PCDH10: variants seen among roughly 807,000 people sequenced by gnomAD.
The protein encoded by PCDH10 is protocadherin 10, also known as protocadherin-10.
PCDH10 carries 15 observed loss-of-function variants against 74.4 expected under a neutral mutation model. The ratio of observed to expected loss-of-function variants is 0.20; its 90% CI spans 0.13 to 0.31. PCDH10 has a LOEUF of 0.31. Ranked by LOEUF, PCDH10 falls within the 10% of genes least tolerant of loss-of-function variation. The pLI, the probability that PCDH10 is intolerant of heterozygous loss-of-function variation, is 1.00. For missense variants in PCDH10, 1,260 were observed against 1,390.2 expected, an observed-to-expected ratio of 0.91 and a Z score of 1.49; for synonymous variants, 619 against 589.8, an observed-to-expected ratio of 1.05 and a Z score of -0.72.
At chr4:133,183,583 T>C (rs971425503) in intron 4 of PCDH10, among the ~76,000 whole-genome samples, 1 of 152,160 alleles carries the variant, frequency 6.6e-6, no homozygotes, top group African/African-American at 2.4e-5. Flanking sequence ...TAAGCACTGA[T>C]CAATACTAAT....
At chr4:133,176,709 C>G (rs1228188627) in intron 4 of PCDH10, among the ~76,000 whole-genome samples, 1 of 152,040 alleles carries the variant, frequency 6.6e-6, no homozygotes, top group East Asian at 1.9e-4. Flanking sequence ...ATTATAGAAC[C>G]AAATACATAA....
rs576762055 is a variant in PCDH10, at chr4:133,152,076, G to A, written c.1936G>A (p.Ala646Thr). 74 of 1,601,024 alleles carry A rather than the reference G, an allele frequency of 4.6e-5. No homozygotes were observed. The East Asian group carries it at 1.7e-3, about 36-fold the overall frequency. ...GCTGCGCACAGCACGCCGAGTCCCG[G>A]CCAAGCGCGACCCCCAGCGGCCTTA... ...GELRTARRVP[A>T]KRDPQRPYEL... Residue 646 changes from alanine (A) to threonine (T), a missense_variant, in exon 1 of 5, where the codon GCC (alanine) becomes ACC (threonine). By Grantham distance (58) the Ala-to-Thr change is moderately conservative (BLOSUM62 0). Transcript: ENST00000264360.
chr4:133,201,260 G>A (rs1034823947), intron 2 of PCDH10, among the ~76,000 whole-genome samples: 2 of 152,078 alleles, frequency 1.3e-5, no homozygotes, highest in Admixed American at 1.3e-4. Flanking sequence ...AAGAAAAATA[G>A]GAAGGCATGT....
At chr4:133,184,744 A>T (rs1409193255) in intron 4 of PCDH10, among the ~76,000 whole-genome samples, 1 of 140,112 alleles carries the variant, frequency 7.1e-6, no homozygotes, top group Non-Finnish European at 1.5e-5. Context: ...TATTATATAT[A>T]ATCTTGTGTA....
chr4:133,185,039 T>C (rs1727514227), intron 4 of PCDH10, among the ~76,000 whole-genome samples: 1 of 148,476 alleles, frequency 6.7e-6, no homozygotes, highest in African/African-American at 2.4e-5. Context: ...AAACTAGTGA[T>C]AGTATATTAA....
In PCDH10 at chr4:133,200,088, G is replaced by A. The variant is rs576689172; in HGVS notation, n.438-7988G>A. Among the ~76,000 whole-genome samples, 72 of 151,710 alleles carry A rather than the reference G, an allele frequency of 4.7e-4. 2 individuals are homozygous for A. The highest frequency in any genetic ancestry group is 1.4e-3 in the African/African-American group (58 of 41,434). ...GCTGGGATTACAGGCGTGAGCCACC[G>A]CGCCCGGCCTTTTATTTTTATTCTA... On this transcript the variant is annotated intron_variant and non_coding_transcript_variant, in intron 2 of 2. Transcript: ENST00000511112.
intron 4 of PCDH10, among the ~76,000 whole-genome samples, chr4:133,179,833 T>C (rs2125869699): frequency 6.6e-6 from 1 of 152,156 alleles, no homozygotes; most frequent in African/African-American, 2.4e-5. Flanking sequence ...ATAGACTACA[T>C]CAATGAGTCA....
At chr4:133,207,232 A>G (rs1302759423) in intron 2 of PCDH10, among the ~76,000 whole-genome samples, 3 of 152,068 alleles carry the variant, frequency 2.0e-5, no homozygotes, top group Non-Finnish European at 2.9e-5. Flanking sequence ...ATATTATAAT[A>G]TAAAACTCAA....
intron 4 of PCDH10, among the ~76,000 whole-genome samples, chr4:133,185,119 A>C (rs1438111507): frequency 6.7e-6 from 1 of 148,410 alleles, no homozygotes; most frequent in African/African-American, 2.4e-5. Context: ...AAAACACAGT[A>C]ATCATTTTTA....
intron 4 of PCDH10, among the ~76,000 whole-genome samples, chr4:133,189,768 T>G (rs1286859782): frequency 6.6e-6 from 1 of 152,112 alleles, no homozygotes; most frequent in Non-Finnish European, 1.5e-5. Context: ...TTTATAGATT[T>G]TGCTAGAAAC....
intron 4 of PCDH10, among the ~76,000 whole-genome samples, chr4:133,173,834 T>G (rs1051931879): frequency 6.6e-6 from 1 of 151,804 alleles, no homozygotes; most frequent in Non-Finnish European, 1.5e-5. Flanking sequence ...TTTGGGGAGA[T>G]GCATAGAGTA....
At chr4:133,177,929 A>T (rs894671120) in intron 4 of PCDH10, among the ~76,000 whole-genome samples, 10 of 152,152 alleles carry the variant, frequency 6.6e-5, no homozygotes, top group Non-Finnish European at 1.0e-4. Flanking sequence ...TGCAGAGCTC[A>T]CTTTGGGGCC....
intron 4 of PCDH10, among the ~76,000 whole-genome samples, chr4:133,178,742 G>C (rs977123674): frequency 3.3e-5 from 5 of 152,114 alleles, no homozygotes; most frequent in Admixed American, 6.6e-5. Flanking sequence ...GTGAGTTACA[G>C]ATGAGATCTT....
intron 3 of PCDH10, among the ~76,000 whole-genome samples, chr4:133,159,327 T>A (rs1273019266): frequency 6.6e-6 from 1 of 152,088 alleles, no homozygotes; most frequent in African/African-American, 2.4e-5. Flanking sequence ...AACCATGTAC[T>A]TTAAAATTTG....
chr4:133,175,269 A>T (rs185817166), intron 4 of PCDH10, among the ~76,000 whole-genome samples: 7 of 152,136 alleles, frequency 4.6e-5, no homozygotes, highest in Admixed American at 4.6e-4. Flanking sequence ...AGTATTATTT[A>T]TTGTAAAGAA....
intron 2 of PCDH10, among the ~76,000 whole-genome samples, chr4:133,205,468 T>C (rs1049359851): frequency 6.6e-6 from 1 of 152,172 alleles, no homozygotes; most frequent in Admixed American, 6.5e-5. Context: ...GTGATTAAGG[T>C]CTGAAATTTG....
Position 133,194,440 on chromosome 4 carries a change from T to A in PCDH10, c.*4280T>A, listed in dbSNP as rs1727749869. The A allele has an allele frequency of 6.6e-6, 1 of 151,848 alleles. No homozygotes were observed. Among genetic ancestry groups the A allele is most frequent in the African/African-American group, 2.4e-5 (1 of 41,416 alleles). 9.4% of individuals were successfully genotyped at this position (151,848 alleles called of 1,614,324 possible). A position where few individuals can be genotyped will look rare whatever the true frequency, so the allele number is the denominator to read the frequency against. On this transcript the variant is annotated 3_prime_UTR_variant, in exon 5 of 5. Transcript: ENST00000264360. ...AGCTCTAAACACATTTTTGAGACAGTTATCTGTGAGTGAAAACAGGGTATT... is the reference window on the plus strand; with the variant it reads ...AGCTCTAAACACATTTTTGAGACAGATATCTGTGAGTGAAAACAGGGTATT...
downstream of PCDH10, among the ~76,000 whole-genome samples, chr4:133,196,424 G>A (rs182800580): frequency 3.9e-5 from 6 of 152,206 alleles, no homozygotes; most frequent in Admixed American, 1.3e-4. Context: ...TGGATGCACC[G>A]GTTTATCAAT....
At chr4:133,207,968 A>T (rs1211368374) in intron 2 of PCDH10, 1 of 152,208 alleles carries the variant, frequency 6.6e-6, no homozygotes, top group Non-Finnish European at 1.5e-5. Flanking sequence ...AATCAAAGTG[A>T]TAAAAGTGAA....
Sources: gnomAD v4.1 joint callset for allele counts (sites outside exome capture counted in the v4.1 genomes callset) on GRCh38, gnomAD v4.1.1 for gene constraint, MANE v1.5 for transcripts, NCBI Gene and HGNC (gene_info 2026-07-23, HGNC 2026-07-21) for gene names.